Variants in GJB7 observed in about 807,000 individuals in gnomAD.
The protein encoded by GJB7 is gap junction beta-7 protein.
For missense variants in GJB7, 253 were observed against 256.8 expected, an observed-to-expected ratio of 0.99 and a Z score of 0.10; for synonymous variants, 87 against 95.2, an observed-to-expected ratio of 0.91 and a Z score of 0.50.
At chr6:87,292,275 C>T (rs933252330) in intron 2 of GJB7, among the ~76,000 whole-genome samples, 3 of 152,206 alleles carry the variant, frequency 2.0e-5, no homozygotes, top group Non-Finnish European at 2.9e-5. Context: ...GAGTGTGTTT[C>T]ATCTCTTTAA....
chr6:87,285,720 G>A (rs1335606086), intron 2 of GJB7, among the ~76,000 whole-genome samples: 1 of 152,194 alleles, frequency 6.6e-6, no homozygotes, highest in Admixed American at 6.5e-5. Flanking sequence ...ATATGCTTAA[G>A]TGTTGTCCAT....
intron 2 of GJB7, among the ~76,000 whole-genome samples, chr6:87,302,833 G>C (rs886815648): frequency 1.3e-5 from 2 of 152,190 alleles, no homozygotes; most frequent in Non-Finnish European, 2.9e-5. Flanking sequence ...GGATCTCTTG[G>C]CAGAAACTCT....
chr6:87,295,706 G>A (rs1429306052), intron 2 of GJB7, among the ~76,000 whole-genome samples: 1 of 152,104 alleles, frequency 6.6e-6, no homozygotes, highest in Non-Finnish European at 1.5e-5. Context: ...TGGCATGAAG[G>A]ACGTTGCCCC....
chr6:87,311,218 T>C (rs1776509614), intron 2 of GJB7, among the ~76,000 whole-genome samples: 1 of 152,212 alleles, frequency 6.6e-6, no homozygotes, highest in African/African-American at 2.4e-5. Flanking sequence ...TATAAATTGG[T>C]GCAATCACTT....
intron 1 of GJB7, among the ~76,000 whole-genome samples, chr6:87,323,393 T>G (rs1204612514): frequency 6.6e-6 from 1 of 151,776 alleles, no homozygotes; most frequent in Non-Finnish European, 1.5e-5. Flanking sequence ...CATCTAACAT[T>G]AGGTATATCT....
chr6:87,290,231 G>GT (rs1562208783), intron 2 of GJB7, among the ~76,000 whole-genome samples: 1 of 152,314 alleles, frequency 6.6e-6, no homozygotes, highest in East Asian at 1.9e-4. Flanking sequence ...AAATCCAGCA[G>GT]TAGAAGAACC....
intron 2 of GJB7, among the ~76,000 whole-genome samples, chr6:87,306,296 TC>T (rs1209813527): frequency 6.6e-6 from 1 of 151,734 alleles, no homozygotes; most frequent in Non-Finnish European, 1.5e-5. Flanking sequence ...AGGGCTAATA[TC>T]CAGAATCTAC....
At chr6:87,314,369 A>C (rs1776553301) in intron 2 of GJB7, among the ~76,000 whole-genome samples, 1 of 152,110 alleles carries the variant, frequency 6.6e-6, no homozygotes, top group Admixed American at 6.5e-5. Context: ...CCTTTCTGGG[A>C]AGTAGGTTTG....
rs1331210686 is a variant in GJB7, at chr6:87,284,172, G to A, written c.*69C>T. 1.6e-6 allele frequency: 2 copies of A among 1,269,076 alleles called. No homozygotes were observed. Among genetic ancestry groups the A allele is most frequent in the Non-Finnish European group, 2.2e-6 (2 of 894,598 alleles). The allele number at this position is 1,269,076 out of a possible 1,614,324, so 78.6% of individuals were successfully genotyped here. A position where few individuals can be genotyped will look rare whatever the true frequency, so the allele number is the denominator to read the frequency against. On this transcript the variant is annotated 3_prime_UTR_variant, in exon 3 of 3. Coordinates refer to ENST00000525899, the MANE Select transcript of GJB7 (RefSeq NM_198568.3). ...GTAGAGGGAGTGTGTTTATGGCCAA[G>A]TGTGAAGATTCTGGAGTAGGGGAGG... is the stretch of plus-strand genomic sequence containing the variant.
At chr6:87,302,458 C>G (rs948199308) in intron 2 of GJB7, among the ~76,000 whole-genome samples, 2 of 151,894 alleles carry the variant, frequency 1.3e-5, no homozygotes, top group Non-Finnish European at 2.9e-5. Context: ...TGAAATGAAG[C>G]GAGAAGAGAA....
At chr6:87,302,178 G>A (rs893331639) in intron 2 of GJB7, among the ~76,000 whole-genome samples, 5 of 152,344 alleles carry the variant, frequency 3.3e-5, no homozygotes, top group East Asian at 1.9e-4. Context: ...GCTGGATGGA[G>A]AGTGACTTTG....
intron 2 of GJB7, among the ~76,000 whole-genome samples, chr6:87,302,275 C>T (rs557441698): frequency 6.7e-6 from 1 of 149,840 alleles, no homozygotes; most frequent in Non-Finnish European, 1.5e-5. Context: ...AGCTAAAAGC[C>T]TTGAAAAAAA....
chr6:87,291,772 A>G (rs908938855), intron 2 of GJB7, among the ~76,000 whole-genome samples: 1 of 152,246 alleles, frequency 6.6e-6, no homozygotes, highest in Admixed American at 6.5e-5. Flanking sequence ...GGAACTTTTT[A>G]AAAAGTAATG....
chr6:87,316,420 G>A (rs968815417), intron 2 of GJB7, among the ~76,000 whole-genome samples: 1 of 152,154 alleles, frequency 6.6e-6, no homozygotes, highest in South Asian at 2.1e-4. Flanking sequence ...TACACACCAA[G>A]CAGGGCTGAG....
chr6:87,295,087 G>C (rs1776231357), intron 2 of GJB7, among the ~76,000 whole-genome samples: 1 of 151,676 alleles, frequency 6.6e-6, no homozygotes, highest in Non-Finnish European at 1.5e-5. Flanking sequence ...AAGCAACACT[G>C]ACCTTTGGTT....
At chr6:87,303,120 T>A (rs901105869) in intron 2 of GJB7, among the ~76,000 whole-genome samples, 2 of 151,914 alleles carry the variant, frequency 1.3e-5, no homozygotes, top group Admixed American at 6.6e-5. Flanking sequence ...TGCATCAACT[T>A]ATGAGCAAAA....
chr6:87,301,164 G>A (rs909580022), intron 2 of GJB7, among the ~76,000 whole-genome samples: 2 of 152,152 alleles, frequency 1.3e-5, no homozygotes, highest in Admixed American at 1.3e-4. Flanking sequence ...GCTCACTGGG[G>A]CTTGTCGGAC....
At chr6:87,302,196 G>C (rs1396495319) in intron 2 of GJB7, among the ~76,000 whole-genome samples, 2 of 152,222 alleles carry the variant, frequency 1.3e-5, no homozygotes, top group Non-Finnish European at 2.9e-5. Flanking sequence ...TTGACGAGTT[G>C]AGAGAAGAAG....
intron 2 of GJB7, among the ~76,000 whole-genome samples, chr6:87,305,625 C>G (rs1392116302): frequency 2.0e-5 from 3 of 152,122 alleles, no homozygotes; most frequent in Admixed American, 6.5e-5. Flanking sequence ...AGATTCAATG[C>G]CATCCCCATC....
Sources: gnomAD v4.1 joint callset for allele counts (sites outside exome capture counted in the v4.1 genomes callset) on GRCh38, gnomAD v4.1.1 for gene constraint, MANE v1.5 for transcripts, NCBI Gene and HGNC (gene_info 2026-07-23, HGNC 2026-07-21) for gene names.